SLC2A11: variants seen among roughly 807,000 people sequenced by gnomAD.
SLC2A11 encodes solute carrier family 2, facilitated glucose transporter member 11.
In SLC2A11, 43 loss-of-function variants were observed where a neutral mutation model predicts 52.1. The observed-to-expected ratio is 0.82, with a 90% CI of 0.65 to 1.06. The LOEUF is 1.06. SLC2A11 is among the 50% of genes least tolerant of loss of function. The pLI, the probability that SLC2A11 is intolerant of heterozygous loss-of-function variation, is 0.00. For synonymous variants in SLC2A11, 261 were observed against 277.6 expected (o/e 0.94, Z 0.59); for missense variants, 582 against 654.2 (o/e 0.89, Z 1.20).
chr22:23,874,937 A>T, intron 3 of SLC2A11, 180 bp from the exon 4 acceptor site: 1 of 550,350 alleles, frequency 1.8e-6, no homozygotes, highest in Non-Finnish European at 2.7e-6. Context: ...GTGTAAGTGT[A>T]GGAGCTCTCA....
At position 23,877,169 on chromosome 22, in the gene SLC2A11, C is replaced by G; in HGVS notation, c.543C>G (p.Leu181=). Residue 181 remains leucine (L), a splice_region_variant and synonymous_variant, in exon 5 of 12, where the codon CTC becomes CTG. Coordinates refer to ENST00000316185, the MANE Select transcript of SLC2A11 (RefSeq NM_001024939.4). ...LGIVMGQVVG[L]RELLGGPQAW... is the part of the protein sequence containing the mutation. ...TCGTGATGGGACAGGTGGTCGGACT[C>G]AGGTAAGCACCCCTCCCCCACATGC... The G allele has an allele frequency of 6.2e-7, 1 of 1,607,892 alleles. No homozygotes were observed. Among genetic ancestry groups the G allele is most frequent in the Non-Finnish European group, 8.5e-7 (1 of 1,176,806 alleles).
intron 2 of SLC2A11, chr22:23,862,454 A>G (rs371238032): frequency 6.3e-6 from 3 of 473,692 alleles, no homozygotes; most frequent in Middle Eastern, 5.6e-4. Context: ...GTCAGCCTTG[A>G]CTCTTCTCTT....
chr22:23,883,027 G>A (rs1351658321), intron 8 of SLC2A11, 158 bp downstream of exon 8: 10 of 727,318 alleles, frequency 1.4e-5, no homozygotes, highest in East Asian at 1.1e-4. Context: ...TTGGGAGGCC[G>A]AGGTGGGTGG....
intron 2 of SLC2A11, chr22:23,865,442 A>G (rs1480858542): frequency 1.3e-5 from 2 of 152,288 alleles, no homozygotes; most frequent in Admixed American, 6.5e-5. Context: ...AAACTATTCA[A>G]TGACACTTGT....
intron 2 of SLC2A11, among the ~76,000 whole-genome samples, chr22:23,862,522 A>G (rs923929879): frequency 1.3e-5 from 2 of 151,582 alleles, no homozygotes; most frequent in East Asian, 1.9e-4. Context: ...ACTTCTCCCC[A>G]TGTTTCCACC....
rs917884865 is a variant in SLC2A11, at chr22:23,876,894, G to C, written c.416-148G>C. Reference sequence around the variant, plus strand: ...CTTCATCAGGTGAAGCAGAACCCCTGAGTGTGGGGGGTGAGGGATCAGCCC... The same window carrying C: ...CTTCATCAGGTGAAGCAGAACCCCTCAGTGTGGGGGGTGAGGGATCAGCCC... On this transcript the variant is annotated intron_variant, in intron 4 of 11. Coordinates refer to ENST00000316185, the MANE Select transcript of SLC2A11 (RefSeq NM_001024939.4). 5 of 1,264,788 alleles carry C rather than the reference G, an allele frequency of 4.0e-6. No homozygotes were observed. In the African/African-American group the frequency reaches 7.3e-5, roughly 19 times the overall value. 78.3% of individuals were successfully genotyped at this position (1,264,788 alleles called of 1,614,324 possible).
At chr22:23,879,466 T>C (rs1383921135) in intron 6 of SLC2A11, 2 of 152,102 alleles carry the variant, frequency 1.3e-5, no homozygotes, top group African/African-American at 4.8e-5. Context: ...GAGTTTCACC[T>C]CTTTGCCTGG....
At chr22:23,872,780 G>A (rs755701161) in intron 3 of SLC2A11, 5 of 152,306 alleles carry the variant, frequency 3.3e-5, no homozygotes, top group Middle Eastern at 3.4e-3. Flanking sequence ...GAGAAAATAC[G>A]CTGCCACCTC....
At chr22:23,874,504 T>C (rs1035937349) in intron 3 of SLC2A11, among the ~76,000 whole-genome samples, 2 of 151,072 alleles carry the variant, frequency 1.3e-5, no homozygotes, top group African/African-American at 4.9e-5. Flanking sequence ...CAGGCTGGAG[T>C]GCAATGGCGC....
rs561829230 is a variant in SLC2A11 at position 23,877,224 on chromosome 22, CG to C, written c.545+54del. The C allele has an allele frequency of 1.1e-5, 17 of 1,572,640 alleles. No individual in the cohort carries two copies. The African/African-American group carries it at 2.2e-4, about 20-fold the overall frequency. On this transcript the variant is annotated intron_variant, in intron 5 of 11. Transcript: ENST00000316185. ...AGTATTTCGGAGATACCAGTAAAAG[CG>C]TTTCTTCACCTAAATGTCTCCCCTA... is the stretch of plus-strand genomic sequence containing the variant.
chr22:23,857,903 C>T lies in SLC2A11; in HGVS notation c.-97C>T. On this transcript the variant is annotated 5_prime_UTR_variant, in exon 1 of 12. Coordinates refer to ENST00000316185, the MANE Select transcript of SLC2A11 (RefSeq NM_001024939.4). ...TTTCACCACTGGGCGCTGCGCGCTG[C>T]CCTTCCCTCCGCGCACAGGCTGCCG... The T allele has an allele frequency of 3.8e-6, 6 of 1,573,562 alleles. No individual in the cohort carries two copies. Among genetic ancestry groups the T allele is most frequent in the South Asian group, 1.2e-5 (1 of 85,724 alleles).
chr22:23,876,343 C>A lies in SLC2A11; in HGVS notation c.416-699C>A, dbSNP rs183971644. 2.0e-3 allele frequency among the ~76,000 whole-genome samples: 300 copies of A among 152,282 alleles called. 1 individual carries two copies. The highest frequency in any genetic ancestry group is 3.0e-3 in the Non-Finnish European group (206 of 68,020). On this transcript the variant is annotated intron_variant, in intron 4 of 11. Transcript: ENST00000316185. ...AATGTTTGTAGGAAGAGCAGGGGCACCTCCGAGACTCCTTGGCAATCAGCA... is the reference window on the plus strand; with the variant it reads ...AATGTTTGTAGGAAGAGCAGGGGCAACTCCGAGACTCCTTGGCAATCAGCA...
intron 6 of SLC2A11, 33 bp from the exon 7 acceptor site, chr22:23,882,425 GA>G: frequency 6.7e-7 from 1 of 1,483,292 alleles, no homozygotes; most frequent in East Asian, 2.5e-5. Flanking sequence ...GGGGCTTGGG[GA>G]CGGGGAGCTC....
chr22:23,860,374 A>T (rs1182309589), intron 1 of SLC2A11, among the ~76,000 whole-genome samples: 1 of 152,140 alleles, frequency 6.6e-6, no homozygotes, highest in Non-Finnish European at 1.5e-5. Flanking sequence ...AGATTGCGAC[A>T]CTGCACTCCA....
Position 23,875,240 on chromosome 22 carries a change from A to G in SLC2A11, c.414A>G (p.Ala138=). Residue 138 remains alanine (A), a splice_region_variant and synonymous_variant, in exon 4 of 12, where the codon GCA becomes GCG. Transcript: ENST00000316185. The stretch of plus-strand genomic sequence containing the variant: ...GAAGACTGCTCGTGGGAGTCAATGC[A>G]GGTATGGGGTGGGGGCTTCTCATCC... ...MLGRLLVGVN[A]GVSMNIQPMY... The G allele has an allele frequency of 6.9e-7, 1 of 1,452,376 alleles. No homozygotes were observed. The highest frequency in any genetic ancestry group is 9.2e-7 in the Non-Finnish European group (1 of 1,089,256). 90.0% of individuals were successfully genotyped at this position (1,452,376 alleles called of 1,614,324 possible).
At chr22:23,857,077 G>T (rs367780214), upstream of SLC2A11, 51,786 of 1,153,196 alleles carry the variant, frequency 0.045, 6,024 homozygotes, top group Middle Eastern at 0.075. Context: ...TGTGTGTGGG[G>T]GGGGGGGGGT....
At chr22:23,883,526 TAGAG>T (rs1215158756) in intron 8 of SLC2A11, 7 of 494,086 alleles carry the variant, frequency 1.4e-5, no homozygotes, top group Non-Finnish European at 2.1e-5. Context: ...TGCAGTGAGT[TAGAG>T]AGCATCTATT....
upstream of SLC2A11, chr22:23,857,360 A>C: frequency 2.8e-6 from 4 of 1,427,310 alleles, no homozygotes; most frequent in East Asian, 2.4e-5. Flanking sequence ...GGCACTTGCG[A>C]GGGCGAATGC....
chr22:23,879,261 G>GT (rs533452571), intron 6 of SLC2A11, among the ~76,000 whole-genome samples: 1 of 151,864 alleles, frequency 6.6e-6, no homozygotes, highest in African/African-American at 2.4e-5. Context: ...TTTTGTTCTT[G>GT]TTTTTTTGGT....
Sources: gnomAD v4.1 joint callset for allele counts (sites outside exome capture counted in the v4.1 genomes callset) on GRCh38, gnomAD v4.1.1 for gene constraint, MANE v1.5 for transcripts, NCBI Gene and HGNC (gene_info 2026-07-23, HGNC 2026-07-21) for gene names.